Variants in IL6ST observed in about 807,000 individuals in gnomAD.
IL6ST encodes the protein interleukin 6 cytokine family signal transducer.
Under a neutral mutation model 91.3 loss-of-function variants are expected in IL6ST, and 24 were observed. The ratio of observed to expected loss-of-function variants is 0.26; its 90% CI spans 0.19 to 0.37. The LOEUF (loss-of-function observed/expected upper bound fraction) is 0.37, where lower values mean the gene tolerates loss of function less well. IL6ST is among the 10% of genes least tolerant of loss of function. The pLI, the probability that IL6ST is intolerant of heterozygous loss-of-function variation, is 1.00. For missense variants in IL6ST, 914 were observed against 1,078.5 expected, an observed-to-expected ratio of 0.85 and a Z score of 2.14; for synonymous variants, 351 against 373.6, an observed-to-expected ratio of 0.94 and a Z score of 0.70.
intron 10 of IL6ST, among the ~76,000 whole-genome samples, chr5:55,955,824 C>T (rs1484983420): frequency 6.6e-6 from 1 of 152,064 alleles, no homozygotes; most frequent in Non-Finnish European, 1.5e-5. Flanking sequence ...CGAGACCAGC[C>T]TGAGCAACCT....
At chr5:55,981,477 T>C (rs931930414) in intron 2 of IL6ST, among the ~76,000 whole-genome samples, 9 of 152,064 alleles carry the variant, frequency 5.9e-5, no homozygotes, top group Admixed American at 1.3e-4. Context: ...GCCCCGTCTC[T>C]AATAAAAATA....
intron 4 of IL6ST, among the ~76,000 whole-genome samples, chr5:55,968,846 A>T (rs754837586): frequency 6.6e-6 from 1 of 152,198 alleles, no homozygotes; most frequent in Non-Finnish European, 1.5e-5. Context: ...AGTCTGGGTG[A>T]TCCACAAATT....
In IL6ST at chr5:55,937,402, T is replaced by C. The variant is rs189330620; in HGVS notation, c.*3680A>G. ...CATGCTAATGCACATACTAGTAGCA[T>C]GTATGATGGAAAAAAATAGGTTAAT... On this transcript the variant is annotated 3_prime_UTR_variant, in exon 17 of 17. Transcript: ENST00000381298. 3.8e-5 allele frequency: 8 copies of C among 212,234 alleles called. No homozygotes were observed. The Admixed American group carries it at 4.1e-4, about 11-fold the overall frequency. The allele number at this position is 212,234 out of a possible 1,614,324, so 13.1% of individuals were successfully genotyped here.
In IL6ST at chr5:55,940,241, T is replaced by G. The variant is rs1309267448; in HGVS notation, c.*841A>C. On this transcript the variant is annotated 3_prime_UTR_variant, in exon 17 of 17. Coordinates refer to ENST00000381298, the MANE Select transcript of IL6ST (RefSeq NM_002184.4). ...TCCCCTTTACTACTACTTCCTGTTT[T>G]CCCCTTTACTACTACAATTTAAGCC... 4.7e-6 allele frequency: 1 copy of G among 212,388 alleles called. No homozygotes were observed. The highest frequency in any genetic ancestry group is 9.5e-6 in the Non-Finnish European group (1 of 104,788). The allele number at this position is 212,388 out of a possible 1,614,324, so 13.2% of individuals were successfully genotyped here. A position where few individuals can be genotyped will look rare whatever the true frequency, so the allele number is the denominator to read the frequency against.
chr5:55,942,002 G>A (rs967623411), intron 16 of IL6ST, among the ~76,000 whole-genome samples, 183 bp from the exon 17 acceptor site: 5 of 152,100 alleles, frequency 3.3e-5, no homozygotes, highest in African/African-American at 1.2e-4. Flanking sequence ...AATCAATATT[G>A]TTGGTGTTAC....
At position 55,951,585 on chromosome 5, in the gene IL6ST, G is replaced by A; in HGVS notation, c.1719C>T (p.Ser573=). 1 of 1,609,660 alleles carries A rather than the reference G, an allele frequency of 6.2e-7. No homozygotes were observed. Among genetic ancestry groups the A allele is most frequent in the Non-Finnish European group, 8.5e-7 (1 of 1,178,590 alleles). The change falls in exon 14 of 17, where the codon TCC becomes TCT. Residue 573 remains serine (S), a synonymous_variant. Coordinates refer to ENST00000381298, the MANE Select transcript of IL6ST (RefSeq NM_002184.4). ...GNETAVNVDS[S]HTEYTLSSLT... ...AAGAGGACAATGTATATTCTGTGTG[G>A]GAAGAATCCACATTCACAGCTGGAA...
At chr5:55,955,159 C>T (rs1335400667) in intron 10 of IL6ST, among the ~76,000 whole-genome samples, 167 bp from the exon 11 acceptor site, 1 of 152,150 alleles carries the variant, frequency 6.6e-6, no homozygotes, top group Non-Finnish European at 1.5e-5. Flanking sequence ...AATTTTTAAA[C>T]TTAGATTTTG....
intron 13 of IL6ST, 144 bp downstream of exon 13, chr5:55,951,785 C>G: frequency 1.3e-6 from 1 of 770,306 alleles, no homozygotes; most frequent in Non-Finnish European, 2.0e-6. Context: ...TCAATAAATC[C>G]ATGAAAGTAA....
intron 3 of IL6ST, among the ~76,000 whole-genome samples, chr5:55,973,630 G>A (rs1433726996): frequency 6.6e-6 from 1 of 152,204 alleles, no homozygotes; most frequent in African/African-American, 2.4e-5. Context: ...GAATATTGCA[G>A]CTGAGGCCCC....
chr5:55,991,443 T>G (rs893287870), intron 1 of IL6ST, among the ~76,000 whole-genome samples: 1 of 152,108 alleles, frequency 6.6e-6, no homozygotes, highest in Non-Finnish European at 1.5e-5. Context: ...CCATAATATC[T>G]TTCCCACCCA....
rs929870835 is a variant in IL6ST at position 55,938,747 on chromosome 5, T to C, written c.*2335A>G. 3 of 200,906 alleles carry C rather than the reference T, an allele frequency of 1.5e-5. No individual in the cohort carries two copies. The highest frequency in any genetic ancestry group is 3.1e-5 in the Non-Finnish European group (3 of 97,494). 12.4% of individuals were successfully genotyped at this position (200,906 alleles called of 1,614,324 possible). On this transcript the variant is annotated 3_prime_UTR_variant, in exon 17 of 17. Coordinates refer to ENST00000381298, the MANE Select transcript of IL6ST (RefSeq NM_002184.4). The stretch of plus-strand genomic sequence containing the variant: ...ACATGCTTGGGAAAGTAATTTTGAA[T>C]GTAAAAAGTTTTATAATTTATTTTC...
Position 55,941,223 on chromosome 5 carries a change from A to G in IL6ST, c.2616T>C (p.Ser872=). 1 of 1,614,232 alleles carries G rather than the reference A, an allele frequency of 6.2e-7. No individual in the cohort carries two copies. Among genetic ancestry groups the G allele is most frequent in the Non-Finnish European group, 8.5e-7 (1 of 1,180,018 alleles). Reference sequence around the variant, plus strand: ...TACCTGGACCAAAAGCATCTGCTGCAGAAACTTCCTGAAACATTTTCATTT... The same window carrying G: ...TACCTGGACCAAAAGCATCTGCTGCGGAAACTTCCTGAAACATTTTCATTT... ...SGQMKMFQEV[S]AADAFGPGTE... The change falls in exon 17 of 17, where the codon TCT becomes TCC. Residue 872 remains serine (S), a synonymous_variant. Transcript: ENST00000381298.
intron 3 of IL6ST, among the ~76,000 whole-genome samples, chr5:55,973,012 A>G (rs1753054855): frequency 6.6e-6 from 1 of 152,072 alleles, no homozygotes; most frequent in South Asian, 2.1e-4. Flanking sequence ...CTCAAAAAAA[A>G]AGAAAAAAAG....
intron 1 of IL6ST, among the ~76,000 whole-genome samples, chr5:55,993,518 G>A (rs1372281204): frequency 1.3e-5 from 2 of 152,242 alleles, no homozygotes; most frequent in Middle Eastern, 6.8e-3. Context: ...ATTAAATTAG[G>A]TGGCAGCAGT....
chr5:55,983,114 C>G lies in IL6ST; in HGVS notation c.-103-303G>C, dbSNP rs531464464. 1.4e-3 allele frequency among the ~76,000 whole-genome samples: 212 copies of G among 152,100 alleles called. 1 individual carries two copies. The highest frequency in any genetic ancestry group is 2.3e-3 in the Non-Finnish European group (157 of 68,004). ...TCCCAGGCTCAGGTAATTCTCCCAC[C>G]TCAGCCTCCCGAGTAGCTGGGACTA... is the stretch of plus-strand genomic sequence containing the variant. On this transcript the variant is annotated intron_variant, in intron 1 of 16. Coordinates refer to ENST00000381298, the MANE Select transcript of IL6ST (RefSeq NM_002184.4).
chr5:55,959,790 G>T, intron 8 of IL6ST: 1 of 388,044 alleles, frequency 2.6e-6, no homozygotes, highest in Non-Finnish European at 4.8e-6. Flanking sequence ...TCTCTAGTTA[G>T]GAGTATCTCT....
intron 2 of IL6ST, among the ~76,000 whole-genome samples, chr5:55,979,108 C>T (rs150477083): frequency 2.6e-5 from 4 of 151,992 alleles, no homozygotes; most frequent in Admixed American, 2.0e-4. Context: ...AGAAATCAGA[C>T]AGGTTGGGTG....
In IL6ST at chr5:55,941,430, A is replaced by G. The variant is rs1292192159; in HGVS notation, c.2409T>C (p.Asp803=). 3 of 1,614,088 alleles carry G rather than the reference A, an allele frequency of 1.9e-6. No homozygotes were observed. Among genetic ancestry groups the G allele is most frequent in the Non-Finnish European group, 2.5e-6 (3 of 1,180,030 alleles). ...PEDLQLVDHV[D]GGDGILPRQQ... Reference sequence around the variant, plus strand: ...GCCTGGGCAAAATACCATCACCGCCATCTACATGATCTACTAATTGTAGAT... The same window carrying G: ...GCCTGGGCAAAATACCATCACCGCCGTCTACATGATCTACTAATTGTAGAT... The change falls in exon 17 of 17, where the codon GAT becomes GAC. Residue 803 remains aspartate (D), a synonymous_variant. Coordinates refer to ENST00000381298, the MANE Select transcript of IL6ST (RefSeq NM_002184.4).
At position 55,936,538 on chromosome 5, in the gene IL6ST, C is replaced by T. The variant is rs1321359459; in HGVS notation, c.*4544G>A. On this transcript the variant is annotated 3_prime_UTR_variant, in exon 17 of 17. Transcript: ENST00000381298. ...ATGTCATTTAAAATGTCACAAAACC[C>T]ACACGAAGCATCTCATTTACACTAA... is the stretch of plus-strand genomic sequence containing the variant. 1.9e-5 allele frequency: 4 copies of T among 207,794 alleles called. No individual in the cohort carries two copies. Among genetic ancestry groups the T allele is most frequent in the Admixed American group, 5.9e-5 (1 of 16,824 alleles). 12.9% of individuals were successfully genotyped at this position (207,794 alleles called of 1,614,324 possible).
Sources: allele counts gnomAD v4.1 joint callset (sites outside exome capture counted in the v4.1 genomes callset), GRCh38; gene constraint gnomAD v4.1.1; transcripts MANE v1.5; gene names NCBI Gene and HGNC (gene_info 2026-07-23, HGNC 2026-07-21).